The following SLC9A9 variants were observed in gnomAD, a reference collection of about 807,000 sequenced individuals.
The protein encoded by SLC9A9 is solute carrier family 9 member A9.
A neutral mutation model predicts 77.8 loss-of-function variants in SLC9A9; 62 were observed. The observed-to-expected ratio is 0.80, with a 90% confidence interval of 0.65 to 0.98. The LOEUF (loss-of-function observed/expected upper bound fraction) is 0.98. Ranked by LOEUF, SLC9A9 falls within the 50% of genes least tolerant of loss-of-function variation. SLC9A9 has a pLI of 0.00. For synonymous variants in SLC9A9, 320 were observed against 283.5 expected, an observed-to-expected ratio of 1.13 and a Z score of -1.29; for missense variants, 775 against 774.9, an observed-to-expected ratio of 1.00 and a Z score of 0.00.
At chr3:143,672,110 G>A (rs774236235) in intron 5 of SLC9A9, among the ~76,000 whole-genome samples, 9 of 152,154 alleles carry the variant, frequency 5.9e-5, no homozygotes, top group South Asian at 4.1e-4. Flanking sequence ...CTGCTTAGCC[G>A]ATATTAAATG....
intron 4 of SLC9A9, among the ~76,000 whole-genome samples, chr3:143,790,093 T>C (rs1310938569): frequency 1.3e-5 from 2 of 152,156 alleles, no homozygotes; most frequent in Non-Finnish European, 1.5e-5. Context: ...TGATAGTGAG[T>C]GAGTTCTCAT....
chr3:143,735,175 C>T (rs572498782), intron 4 of SLC9A9, among the ~76,000 whole-genome samples: 1 of 152,260 alleles, frequency 6.6e-6, no homozygotes, highest in East Asian at 1.9e-4. Flanking sequence ...TCTTCTTTTT[C>T]TCTGTTCCCA....
intron 10 of SLC9A9, among the ~76,000 whole-genome samples, chr3:143,495,080 T>C (rs948543165): frequency 2.0e-5 from 3 of 152,136 alleles, no homozygotes; most frequent in Non-Finnish European, 4.4e-5. Context: ...GCTTGAAAAA[T>C]AGATTTTCCT....
intron 12 of SLC9A9, among the ~76,000 whole-genome samples, chr3:143,450,033 A>ATATGCATATATACATATAATATATATG (rs2034971400): frequency 9.1e-6 from 1 of 110,122 alleles, no homozygotes; most frequent in Non-Finnish European, 1.7e-5. Context: ...TAATATATAT[A>ATATGCATATATACATATAATATATATG]CATATATGTA....
intron 2 of SLC9A9, among the ~76,000 whole-genome samples, chr3:143,831,783 A>G (rs1559818783): frequency 6.6e-6 from 1 of 152,192 alleles, no homozygotes; most frequent in Non-Finnish European, 1.5e-5. Flanking sequence ...GCAGAAAAAC[A>G]AAAAAGAAAA....
intron 4 of SLC9A9, among the ~76,000 whole-genome samples, chr3:143,700,441 C>T (rs189095292): frequency 7.1e-4 from 108 of 152,240 alleles, no homozygotes; most frequent in Non-Finnish European, 1.3e-3. Context: ...GGCTACTGCT[C>T]GGAAGAGTGA....
chr3:143,424,991 T>A (rs1225602409), intron 12 of SLC9A9, among the ~76,000 whole-genome samples: 2 of 152,180 alleles, frequency 1.3e-5, no homozygotes, highest in Non-Finnish European at 2.9e-5. Flanking sequence ...TGAATACTGT[T>A]TGTTGTTTTT....
intron 5 of SLC9A9, among the ~76,000 whole-genome samples, chr3:143,692,294 A>G (rs1301064843): frequency 6.6e-6 from 1 of 152,206 alleles, no homozygotes; most frequent in Non-Finnish European, 1.5e-5. Flanking sequence ...GCAAACTGCT[A>G]TACAAACAAA....
intron 12 of SLC9A9, among the ~76,000 whole-genome samples, chr3:143,389,545 C>T (rs2108503753): frequency 6.6e-6 from 1 of 152,296 alleles, no homozygotes; most frequent in South Asian, 2.1e-4. Context: ...TGGGAATTTC[C>T]CCCAAGGGAC....
chr3:143,613,921 TA>T (rs2038063307), intron 6 of SLC9A9, among the ~76,000 whole-genome samples: 1 of 152,224 alleles, frequency 6.6e-6, no homozygotes, highest in Non-Finnish European at 1.5e-5. Flanking sequence ...CTATTATTCT[TA>T]TGGGAATTGA....
chr3:143,386,084 TC>T, intron 12 of SLC9A9, among the ~76,000 whole-genome samples: 1 of 152,318 alleles, frequency 6.6e-6, no homozygotes, highest in East Asian at 1.9e-4. Context: ...CACCACCTTG[TC>T]CCATCCACCA....
At chr3:143,502,293 A>C (rs2035935332) in intron 9 of SLC9A9, among the ~76,000 whole-genome samples, 1 of 151,312 alleles carries the variant, frequency 6.6e-6, no homozygotes, top group South Asian at 2.1e-4. Context: ...TTAATAGTGC[A>C]AACAAGACTG....
chr3:143,493,758 T>C lies in SLC9A9; in HGVS notation c.1210A>G (p.Ile404Val). ...ALFILGAFLAIFVARACNIYP... is the reference protein window; with the variant it reads ...ALFILGAFLAVFVARACNIYP... ...ATGTTGCAGGCTCTGGCAACAAAAATTGCTAGCTGTAGATAAGCACAGGGA... is the reference window on the plus strand; with the variant it reads ...ATGTTGCAGGCTCTGGCAACAAAAACTGCTAGCTGTAGATAAGCACAGGGA... The change falls in exon 11 of 16, where the codon ATT becomes GTT. Residue 404 changes from isoleucine (I) to valine (V), a missense_variant. Physicochemically the swap from Ile to Val is conservative, Grantham distance 29. Transcript: ENST00000316549. 1 of 1,611,702 alleles carries C rather than the reference T, an allele frequency of 6.2e-7. No individual in the cohort carries two copies. Among genetic ancestry groups the C allele is most frequent in the Non-Finnish European group, 8.5e-7 (1 of 1,177,884 alleles).
chr3:143,266,574 T>C lies in SLC9A9; in HGVS notation c.*128A>G, dbSNP rs539906013. 1 of 915,374 alleles carries C rather than the reference T, an allele frequency of 1.1e-6. No homozygotes were observed. Among genetic ancestry groups the C allele is most frequent in the East Asian group, 2.6e-5 (1 of 38,002 alleles). 56.7% of individuals were successfully genotyped at this position (915,374 alleles called of 1,614,324 possible). A position where few individuals can be genotyped will look rare whatever the true frequency, so the allele number is the denominator to read the frequency against. On this transcript the variant is annotated 3_prime_UTR_variant, in exon 16 of 16. Coordinates refer to ENST00000316549, the MANE Select transcript of SLC9A9 (RefSeq NM_173653.4). Reference sequence around the variant, plus strand: ...ACCAGAGGATCCATGTGACAAGGCTTTGATTCTCTCCAATTTATGCTCTTA... The same window carrying C: ...ACCAGAGGATCCATGTGACAAGGCTCTGATTCTCTCCAATTTATGCTCTTA...
intron 1 of SLC9A9, among the ~76,000 whole-genome samples, chr3:143,838,576 G>A (rs1255078702): frequency 1.3e-5 from 2 of 152,018 alleles, no homozygotes; most frequent in African/African-American, 2.4e-5. Context: ...GACATGGAGA[G>A]GAAGTTAACA....
chr3:143,801,401 A>C (rs931283509), intron 2 of SLC9A9, among the ~76,000 whole-genome samples: 9 of 152,088 alleles, frequency 5.9e-5, no homozygotes, highest in Non-Finnish European at 1.3e-4. Flanking sequence ...AACTTCCAAA[A>C]TCTATTTTCT....
intron 1 of SLC9A9, among the ~76,000 whole-genome samples, chr3:143,840,099 AAC>A (rs1199059367): frequency 2.0e-5 from 3 of 152,216 alleles, no homozygotes; most frequent in Non-Finnish European, 4.4e-5. Flanking sequence ...AGTTTGTTAA[AAC>A]ACAGTTTACC....
At chr3:143,663,661 G>A (rs1055219321) in intron 5 of SLC9A9, among the ~76,000 whole-genome samples, 5 of 152,120 alleles carry the variant, frequency 3.3e-5, no homozygotes, top group Admixed American at 2.0e-4. Flanking sequence ...CAAGAACTAC[G>A]TGACGCATGC....
intron 12 of SLC9A9, among the ~76,000 whole-genome samples, chr3:143,383,239 C>G (rs1351955771): frequency 3.9e-5 from 6 of 152,222 alleles, no homozygotes; most frequent in African/African-American, 1.4e-4. Flanking sequence ...ACTTCTGATG[C>G]CAGGCACCAT....
Sources: allele counts gnomAD v4.1 joint callset (sites outside exome capture counted in the v4.1 genomes callset), GRCh38; gene constraint gnomAD v4.1.1; transcripts MANE v1.5; gene names NCBI Gene and HGNC (gene_info 2026-07-23, HGNC 2026-07-21).